Variants in VWA8 observed in about 807,000 individuals in gnomAD.
The protein encoded by VWA8 is von Willebrand factor A domain containing 8, also known as von Willebrand factor A domain-containing protein 8.
A neutral mutation model predicts 241.5 loss-of-function variants in VWA8; 221 were observed. That is an observed-to-expected ratio of 0.91 (90% confidence interval 0.82 to 1.02). The LOEUF (loss-of-function observed/expected upper bound fraction) is 1.02. Among genes scored for constraint, VWA8 ranks in the 50% least tolerant of loss-of-function variants. VWA8 has a pLI of 0.00. For synonymous variants in VWA8, 852 were observed against 827.1 expected (o/e 1.03, Z -0.52); for missense variants, 2,322 against 2,328.7 (o/e 1.00, Z 0.06).
In VWA8 at chr13:41,833,420, G is replaced by A; in HGVS notation, c.1537C>T (p.Leu513=). 6.2e-7 allele frequency: 1 copy of A among 1,613,950 alleles called. No homozygotes were observed. The highest frequency in any genetic ancestry group is 8.5e-7 in the Non-Finnish European group (1 of 1,179,934). ...GCATTCACCCGGTGAATGCCATCCA[G>A]CAGGACCAGCTTGCCTTCCAGAGCA... ...NAALEGKLVL[L]DGIHRVNAGT... The change falls in exon 13 of 45, where the codon CTG becomes TTG. Residue 513 remains leucine (L), a synonymous_variant. Coordinates refer to ENST00000379310, the MANE Select transcript of VWA8 (RefSeq NM_015058.2).
At chr13:41,699,294 T>G in intron 28 of VWA8, 24 bp from the exon 29 acceptor site, 1 of 1,612,316 alleles carries the variant, frequency 6.2e-7, no homozygotes, top group African/African-American at 1.3e-5. Flanking sequence ...AAGGTGTTAA[T>G]TTTGTGGCTG....
intron 26 of VWA8, among the ~76,000 whole-genome samples, chr13:41,713,960 T>A (rs1349502494): frequency 6.6e-6 from 1 of 151,932 alleles, no homozygotes; most frequent in Non-Finnish European, 1.5e-5. Flanking sequence ...TTCTATTATG[T>A]CAAAAAGAAA....
At chr13:41,721,982 A>G (rs1274619910) in intron 24 of VWA8, among the ~76,000 whole-genome samples, 5 of 152,180 alleles carry the variant, frequency 3.3e-5, no homozygotes, top group African/African-American at 4.8e-5. Context: ...ACATGCAAAC[A>G]GAGTTTAGAT....
In VWA8 at chr13:41,704,460, TC is replaced by T. The variant is rs1398282575; in HGVS notation, c.3117-1050del. ...ACAGCAGATAATTTTTTTTAAGTCTTCACTTTTTTTTTTTTTTCTTTGAGAC... is the reference window on the plus strand; with the variant it reads ...ACAGCAGATAATTTTTTTTAAGTCTTACTTTTTTTTTTTTTTCTTTGAGAC... On this transcript the variant is annotated intron_variant, in intron 26 of 44. Coordinates refer to ENST00000379310, the MANE Select transcript of VWA8 (RefSeq NM_015058.2). 2.4e-4 allele frequency among the ~76,000 whole-genome samples: 17 copies of T among 71,768 alleles called. No homozygotes were observed. In the East Asian group the frequency reaches 7.5e-3, roughly 32 times the overall value. 47.1% of individuals were successfully genotyped at this position (71,768 alleles called of 152,430 possible). A position where few individuals can be genotyped will look rare whatever the true frequency, so the allele number is the denominator to read the frequency against.
Position 41,690,190 on chromosome 13 carries a change from T to C in VWA8, c.3952A>G (p.Ser1318Gly). The C allele has an allele frequency of 1.2e-6, 2 of 1,612,648 alleles. No individual in the cohort carries two copies. The highest frequency in any genetic ancestry group is 1.7e-6 in the Non-Finnish European group (2 of 1,179,030). ...CCTTGTGTAACTCCAAACCCTGTGC[T>C]GGGCGGCTCCTCTTTCAGCACATAC... ...QLYVLKEEPP[S>G]TGFGVTQETE... Residue 1318 changes from serine to glycine, a missense_variant, in exon 33 of 45, where the codon AGC becomes GGC. By Grantham distance (56) the Ser-to-Gly change is moderately conservative. Coordinates refer to ENST00000379310, the MANE Select transcript of VWA8 (RefSeq NM_015058.2).
chr13:41,908,403 T>C (rs551407221), intron 3 of VWA8, among the ~76,000 whole-genome samples: 12 of 148,702 alleles, frequency 8.1e-5, no homozygotes, highest in African/African-American at 3.0e-4. Context: ...GAGGTGGAGG[T>C]TGAGGTTGCA....
At chr13:41,709,154 T>C (rs1178675318) in intron 26 of VWA8, among the ~76,000 whole-genome samples, 1 of 152,242 alleles carries the variant, frequency 6.6e-6, no homozygotes, top group Non-Finnish European at 1.5e-5. Flanking sequence ...ACTATGAATA[T>C]AGCACTTTGA....
At chr13:41,664,888 T>C (rs2044976723) in intron 37 of VWA8, among the ~76,000 whole-genome samples, 1 of 152,182 alleles carries the variant, frequency 6.6e-6, no homozygotes, top group Non-Finnish European at 1.5e-5. Flanking sequence ...TATACTTTGC[T>C]GCATGTTTTT....
chr13:41,677,186 T>C (rs1390881104), intron 35 of VWA8, among the ~76,000 whole-genome samples: 2 of 152,150 alleles, frequency 1.3e-5, no homozygotes, highest in Non-Finnish European at 2.9e-5. Flanking sequence ...GTAAAGAATA[T>C]GAAAAGTTGG....
intron 12 of VWA8, among the ~76,000 whole-genome samples, chr13:41,861,760 T>A (rs1462064793): frequency 2.0e-5 from 3 of 152,074 alleles, no homozygotes. Flanking sequence ...AGATCTTTTC[T>A]CTGCAACAAG....
intron 29 of VWA8, 86 bp from the exon 30 acceptor site, chr13:41,693,058 G>A (rs575267241): frequency 1.1e-5 from 9 of 821,604 alleles, no homozygotes; most frequent in South Asian, 9.9e-5. Flanking sequence ...CAACCTGACA[G>A]TGAAGGTTAT....
chr13:41,879,414 CA>C (rs1874064959), intron 9 of VWA8, among the ~76,000 whole-genome samples: 1 of 148,434 alleles, frequency 6.7e-6, no homozygotes, highest in Admixed American at 6.7e-5. Context: ...CACACACACA[CA>C]CCTTTCTTCT....
chr13:41,733,754 A>C (rs2045503783), intron 21 of VWA8, among the ~76,000 whole-genome samples: 2 of 152,142 alleles, frequency 1.3e-5, no homozygotes, highest in Admixed American at 6.5e-5. Flanking sequence ...CTATCTTCCC[A>C]CACAGACTGT....
chr13:41,894,963 G>A (rs1324817252), intron 4 of VWA8, among the ~76,000 whole-genome samples: 2 of 151,954 alleles, frequency 1.3e-5, no homozygotes, highest in Admixed American at 6.6e-5. Flanking sequence ...GCTGCTGCAG[G>A]GACTTGGTTG....
intron 37 of VWA8, among the ~76,000 whole-genome samples, chr13:41,642,393 A>G (rs2044801501): frequency 6.6e-6 from 1 of 151,820 alleles, no homozygotes; most frequent in Non-Finnish European, 1.5e-5. Flanking sequence ...CCCTGTCTCT[A>G]CTAAAAACAC....
intron 2 of VWA8, among the ~76,000 whole-genome samples, chr13:41,915,009 C>G (rs187901370): frequency 8.3e-4 from 126 of 152,282 alleles, no homozygotes; most frequent in East Asian, 1.3e-3. Flanking sequence ...GGTAGCAGTT[C>G]CTAATCAAAT....
rs543453585 is a variant in VWA8, at chr13:41,790,379, C to T, written c.2064-2836G>A. Among the ~76,000 whole-genome samples the T allele has an allele frequency of 1.8e-3, 269 of 152,152 alleles. No individual in the cohort carries two copies. In the Middle Eastern group the frequency reaches 0.027, roughly 15 times the overall value. On this transcript the variant is annotated intron_variant, in intron 17 of 44. Transcript: ENST00000379310. ...CAGTGAAAATTTTATATAGATGTTA[C>T]TCACTTTGCTTATTTATTTATTTAT... is the stretch of plus-strand genomic sequence containing the variant.
chr13:41,818,914 G>C (rs1280761588), intron 15 of VWA8, among the ~76,000 whole-genome samples: 1 of 152,114 alleles, frequency 6.6e-6, no homozygotes, highest in Admixed American at 6.5e-5. Context: ...GTGGTTCCCA[G>C]ACCAGCAGCA....
chr13:41,881,858 G>A (rs1458641324), intron 9 of VWA8, among the ~76,000 whole-genome samples: 2 of 134,546 alleles, frequency 1.5e-5, no homozygotes, highest in Non-Finnish European at 1.6e-5. Flanking sequence ...GCGGGGGGCT[G>A]ACCCCCCCAC....
Sources: gnomAD v4.1 joint callset for allele counts (sites outside exome capture counted in the v4.1 genomes callset) on GRCh38, gnomAD v4.1.1 for gene constraint, MANE v1.5 for transcripts, NCBI Gene and HGNC (gene_info 2026-07-23, HGNC 2026-07-21) for gene names.